The following VAT1L variants were observed in gnomAD, a reference collection of about 807,000 sequenced individuals.
VAT1L encodes putative NADPH-dependent quinone oxidoreductase VAT1L.
In VAT1L, 34 loss-of-function variants were observed where a neutral mutation model predicts 44.1. The ratio of observed to expected loss-of-function variants is 0.77; its 90% confidence interval spans 0.59 to 1.03. The LOEUF (loss-of-function observed/expected upper bound fraction) is 1.03, where lower values mean the gene tolerates loss of function less well. Among genes scored for constraint, VAT1L ranks in the 50% least tolerant of loss-of-function variants. The pLI, the probability that VAT1L is intolerant of heterozygous loss-of-function variation, is 0.00. For missense variants in VAT1L, 615 were observed against 538.8 expected (o/e 1.14, Z -1.40); for synonymous variants, 253 against 202.2 (o/e 1.25, Z -2.13).
intron 1 of VAT1L, chr16:77,801,785 C>A (rs867391291): frequency 6.6e-6 from 1 of 151,618 alleles, no homozygotes; most frequent in Non-Finnish European, 1.5e-5. Context: ...TACGCTACGC[C>A]TAGTTCAATC....
At chr16:77,848,269 A>C (rs2145265565) in intron 3 of VAT1L, among the ~76,000 whole-genome samples, 1 of 152,294 alleles carries the variant, frequency 6.6e-6, no homozygotes, top group Non-Finnish European at 1.5e-5. Context: ...CCACCTCATT[A>C]GTTTTCATCC....
chr16:77,906,940 A>C (rs2017443543), intron 7 of VAT1L, among the ~76,000 whole-genome samples: 1 of 152,214 alleles, frequency 6.6e-6, no homozygotes, highest in Non-Finnish European at 1.5e-5. Context: ...AGAGGTGTTC[A>C]ATACAGTGGA....
At chr16:77,828,052 C>T (rs993092050) in intron 3 of VAT1L, among the ~76,000 whole-genome samples, 9 of 152,096 alleles carry the variant, frequency 5.9e-5, no homozygotes, top group South Asian at 2.1e-4. Flanking sequence ...TTCTCTGAAA[C>T]GAGATTTGAT....
At chr16:77,803,873 A>T (rs370678128) in intron 1 of VAT1L, among the ~76,000 whole-genome samples, 16 of 152,266 alleles carry the variant, frequency 1.1e-4, no homozygotes, top group Admixed American at 1.0e-3. Context: ...GAGAGGTGAG[A>T]TGGGGCTGGA....
At position 77,961,610 on chromosome 16, in the gene VAT1L, C is replaced by G. The variant is rs546290252; in HGVS notation, c.1078-10240C>G. Among the ~76,000 whole-genome samples the G allele has an allele frequency of 1.6e-4, 25 of 152,292 alleles. No individual in the cohort carries two copies. The South Asian group carries it at 5.0e-3, about 30-fold the overall frequency. On this transcript the variant is annotated intron_variant, in intron 7 of 8. Coordinates refer to ENST00000302536, the MANE Select transcript of VAT1L (RefSeq NM_020927.3). ...ACTTAGGATGATCCCAGATTGGCCT[C>G]CTCAACCTCATTCTTTCTCTTAAGC... is the stretch of plus-strand genomic sequence containing the variant.
intron 7 of VAT1L, among the ~76,000 whole-genome samples, chr16:77,946,276 G>GCTCTTTTTTTTTT (rs1441996306): frequency 9.5e-4 from 32 of 33,862 alleles, no homozygotes; most frequent in Admixed American, 2.0e-3. Context: ...TAGGTTACTT[G>GCTCTTTTTTTTTT]TTCTTTTTTT....
chr16:77,937,341 A>C (rs2017814000), intron 7 of VAT1L, among the ~76,000 whole-genome samples: 1 of 152,208 alleles, frequency 6.6e-6, no homozygotes, highest in Non-Finnish European at 1.5e-5. Flanking sequence ...GTTAACTCAC[A>C]GTGAGCCGCC....
At chr16:77,921,311 C>T (rs986168267) in intron 7 of VAT1L, among the ~76,000 whole-genome samples, 2 of 152,290 alleles carry the variant, frequency 1.3e-5, no homozygotes, top group East Asian at 1.9e-4. Context: ...TGTTGACATT[C>T]CCCTATGTTT....
At chr16:77,881,373 G>A (rs185725213) in intron 6 of VAT1L, among the ~76,000 whole-genome samples, 29 of 152,220 alleles carry the variant, frequency 1.9e-4, no homozygotes, top group African/African-American at 7.0e-4. Flanking sequence ...ATACTAATGA[G>A]GGAGACAAAC....
intron 3 of VAT1L, 79 bp from the exon 4 acceptor site, chr16:77,862,669 A>T: frequency 7.1e-7 from 1 of 1,408,444 alleles, no homozygotes; most frequent in African/African-American, 1.5e-5. Flanking sequence ...CGATGGAGAA[A>T]TCCTGCTCTA....
At chr16:77,947,219 A>G (rs1271259789) in intron 7 of VAT1L, among the ~76,000 whole-genome samples, 2 of 152,226 alleles carry the variant, frequency 1.3e-5, no homozygotes, top group Non-Finnish European at 2.9e-5. Context: ...TCCAGCGCTC[A>G]CAAGACCATC....
At chr16:77,855,772 C>A (rs1029626054) in intron 3 of VAT1L, among the ~76,000 whole-genome samples, 1 of 152,188 alleles carries the variant, frequency 6.6e-6, no homozygotes, top group Non-Finnish European at 1.5e-5. Context: ...GTAATCCCAG[C>A]ACTTTGGGAA....
chr16:77,829,023 A>T (rs9927781), intron 3 of VAT1L, among the ~76,000 whole-genome samples: 2,982 of 152,208 alleles, frequency 0.02, 95 homozygotes, highest in African/African-American at 0.066. Context: ...CTCCCTTTTC[A>T]TTATGGCCCG....
rs897454650 is a variant in VAT1L at position 77,979,533 on chromosome 16, AT to A, written c.*1839del. The A allele has an allele frequency of 6.6e-6, 1 of 152,178 alleles. No homozygotes were observed. The highest frequency in any genetic ancestry group is 2.4e-5 in the African/African-American group (1 of 41,448). 9.4% of individuals were successfully genotyped at this position (152,178 alleles called of 1,614,324 possible). On this transcript the variant is annotated 3_prime_UTR_variant, in exon 9 of 9. Transcript: ENST00000302536. ...GGCATTCCTAGTAAGTTGGGTAGAA[AT>A]GACATTTTCCAGAGCTGAAGGAGTG...
Position 77,977,604 on chromosome 16 carries a change from A to T in VAT1L, c.1169A>T (p.Asn390Ile). 6.2e-7 allele frequency: 1 copy of T among 1,614,058 alleles called. No individual in the cohort carries two copies. Among genetic ancestry groups the T allele is most frequent in the Non-Finnish European group, 8.5e-7 (1 of 1,179,952 alleles). The change falls in exon 9 of 9, where the codon AAT becomes ATT. Residue 390 changes from asparagine to isoleucine, a missense_variant. By Grantham distance (149) the Asn-to-Ile change is moderately radical. Transcript: ENST00000302536. ...VEKTPTPLMA[N>I]DSTETSEAGE... ...TCCTCTTTTGAATTACAGATGGCCAATGACAGCACAGAGACCAGTGAAGCA... is the reference window on the plus strand; with the variant it reads ...TCCTCTTTTGAATTACAGATGGCCATTGACAGCACAGAGACCAGTGAAGCA...
chr16:77,936,310 A>C (rs1293879048), intron 7 of VAT1L, among the ~76,000 whole-genome samples: 1 of 152,162 alleles, frequency 6.6e-6, no homozygotes, highest in Non-Finnish European at 1.5e-5. Flanking sequence ...TTTAGAGCTA[A>C]AGAAACTGAG....
chr16:77,856,404 G>A lies in VAT1L; in HGVS notation c.580-6344G>A, dbSNP rs565750051. Among the ~76,000 whole-genome samples, 98 of 152,144 alleles carry A rather than the reference G, an allele frequency of 6.4e-4. No individual in the cohort carries two copies. In the Middle Eastern group the frequency reaches 0.01, roughly 16 times the overall value. ...ATCTAGCCTAAATTCCCACTTAATG[G>A]GTAAAAAGAATTTCAACTGGGCCCC... is the stretch of plus-strand genomic sequence containing the variant. On this transcript the variant is annotated intron_variant, in intron 3 of 8. Transcript: ENST00000302536.
intron 3 of VAT1L, among the ~76,000 whole-genome samples, chr16:77,860,172 T>A (rs905870170): frequency 6.6e-6 from 1 of 152,194 alleles, no homozygotes; most frequent in Non-Finnish European, 1.5e-5. Flanking sequence ...CACCTTGATT[T>A]TAGACTTTGA....
chr16:77,789,504 C>T (rs191447535), intron 1 of VAT1L, among the ~76,000 whole-genome samples: 24 of 152,250 alleles, frequency 1.6e-4, no homozygotes, highest in Admixed American at 3.3e-4. Context: ...ATGCTGTTGT[C>T]CTGAAGGGCC....
Sources: allele counts gnomAD v4.1 joint callset (sites outside exome capture counted in the v4.1 genomes callset), GRCh38; gene constraint gnomAD v4.1.1; transcripts MANE v1.5; gene names NCBI Gene and HGNC (gene_info 2026-07-23, HGNC 2026-07-21).